The following ADGRD1 variants were observed in gnomAD, a reference collection of about 807,000 sequenced individuals.
The protein encoded by ADGRD1 is G-protein coupled receptor 133.
In ADGRD1, 77 loss-of-function variants were observed where a neutral mutation model predicts 113.4. The observed-to-expected ratio is 0.68, with a 90% CI of 0.57 to 0.82. ADGRD1 has a LOEUF of 0.82. ADGRD1 is among the 40% of genes least tolerant of loss of function. ADGRD1 has a pLI of 0.00. For synonymous variants in ADGRD1, 474 were observed against 475.0 expected (o/e 1.00, Z 0.03); for missense variants, 1,036 against 1,139.1 (o/e 0.91, Z 1.30).
At chr12:130,985,469 T>A (rs117418114) in intron 5 of ADGRD1, among the ~76,000 whole-genome samples, 2,086 of 152,294 alleles carry the variant, frequency 0.014, 27 homozygotes, top group Middle Eastern at 0.041. Flanking sequence ...TCCTATATTA[T>A]CTTCTAAGGG....
chr12:131,089,822 A>G (rs1340851103), intron 15 of ADGRD1, among the ~76,000 whole-genome samples: 4 of 152,270 alleles, frequency 2.6e-5, no homozygotes, highest in African/African-American at 9.6e-5. Context: ...ATCAGGGGGC[A>G]GAGCCCAGCC....
intron 22 of ADGRD1, 48 bp downstream of exon 22, chr12:131,136,211 G>C: frequency 6.2e-7 from 1 of 1,605,656 alleles, no homozygotes; most frequent in Non-Finnish European, 8.5e-7. Flanking sequence ...CAGCCATCAG[G>C]AGCAGGCTTG....
rs754315770 is a variant in ADGRD1, at chr12:130,965,485, C to T, written c.104-978C>T. Among the ~76,000 whole-genome samples the T allele has an allele frequency of 3.3e-5, 5 of 152,082 alleles. No individual in the cohort carries two copies. Among genetic ancestry groups the T allele is most frequent in the Non-Finnish European group, 7.4e-5 (5 of 68,014 alleles). On this transcript the variant is annotated intron_variant, in intron 2 of 24. Coordinates refer to ENST00000261654, the MANE Select transcript of ADGRD1 (RefSeq NM_198827.5). This position sits in a 1 kb window ranked among gnomAD's most constrained non-coding sequence, Gnocchi z 4.8. ...GTTGATTATTGTTTAGTCATCTGAA[C>T]CATTATTTCCACTTCTGTGAATGAA...
At chr12:130,983,071 C>T (rs2136604191) in intron 5 of ADGRD1, among the ~76,000 whole-genome samples, 1 of 152,312 alleles carries the variant, frequency 6.6e-6, no homozygotes, top group South Asian at 2.1e-4. Flanking sequence ...CAGGCTGGAT[C>T]AAATCCCGCC....
chr12:131,062,212 C>T (rs183481862), intron 13 of ADGRD1, among the ~76,000 whole-genome samples: 44 of 152,256 alleles, frequency 2.9e-4, no homozygotes, highest in Admixed American at 1.1e-3. Context: ...CCAGGCTGGT[C>T]TTGAACTCCT....
Position 131,135,965 on chromosome 12 carries a change from T to G in ADGRD1, c.2268-72T>G. Reference sequence around the variant, plus strand: ...CCTGCACCCATCTGGAAGCCTGGCGTCTCGAGGGCAGTCCTCACAGCCTGC... The same window carrying G: ...CCTGCACCCATCTGGAAGCCTGGCGGCTCGAGGGCAGTCCTCACAGCCTGC... On this transcript the variant is annotated intron_variant, in intron 21 of 24. Transcript: ENST00000261654. The G allele has an allele frequency of 3.2e-6, 5 of 1,553,538 alleles. No homozygotes were observed. The South Asian group carries it at 4.6e-5, about 14-fold the overall frequency.
In ADGRD1 at chr12:131,003,362, C is replaced by T; in HGVS notation, c.1144+60C>T. On this transcript the variant is annotated intron_variant, in intron 10 of 24. Coordinates refer to ENST00000261654, the MANE Select transcript of ADGRD1 (RefSeq NM_198827.5). The surrounding 1 kb of genome is among the most constrained non-coding windows in gnomAD (Gnocchi z 4.8). ...GGGGCGGGGGCTGGAGGCTGCGTTT[C>T]ACTGCCTGTCTTTTTACACCCTTAG... 1 of 1,136,488 alleles carries T rather than the reference C, an allele frequency of 8.8e-7. No homozygotes were observed. The highest frequency in any genetic ancestry group is 1.2e-5 in the South Asian group (1 of 81,330). 70.4% of individuals were successfully genotyped at this position (1,136,488 alleles called of 1,614,324 possible).
In ADGRD1 at chr12:130,971,691, G is replaced by A. The variant is rs755140727; in HGVS notation, c.310+111G>A. 1.6e-6 allele frequency: 2 copies of A among 1,215,202 alleles called. No individual in the cohort carries two copies. The highest frequency in any genetic ancestry group is 2.3e-6 in the Non-Finnish European group (2 of 875,130). 75.3% of individuals were successfully genotyped at this position (1,215,202 alleles called of 1,614,324 possible). A position where few individuals can be genotyped will look rare whatever the true frequency, so the allele number is the denominator to read the frequency against. ...CTGAGGTTCTCATCAATTGCAGAAT[G>A]CGTGAGAATGTCAACGATGGATCGG... On this transcript the variant is annotated intron_variant, in intron 4 of 24. Coordinates refer to ENST00000261654, the MANE Select transcript of ADGRD1 (RefSeq NM_198827.5). The surrounding 1 kb of genome is among the most constrained non-coding windows in gnomAD (Gnocchi z 4.2).
chr12:131,083,914 T>A (rs1886257222), intron 14 of ADGRD1, among the ~76,000 whole-genome samples: 1 of 152,248 alleles, frequency 6.6e-6, no homozygotes, highest in Non-Finnish European at 1.5e-5. Flanking sequence ...CTGTAGTCTC[T>A]GTGCCGGTCA....
At chr12:131,135,057 C>T (rs998842367) in intron 21 of ADGRD1, among the ~76,000 whole-genome samples, 7 of 152,202 alleles carry the variant, frequency 4.6e-5, no homozygotes, top group Admixed American at 2.0e-4. Flanking sequence ...AAGGTCCCTG[C>T]TGTGGAAAGC....
chr12:131,075,742 CG>C lies in ADGRD1; in HGVS notation c.1474-1058del, dbSNP rs113263761. The stretch of plus-strand genomic sequence containing the variant: ...GGGCTTTTGGTCGAGGCCAGGATGG[CG>C]CTCATGAGGGGGGCTGCCCTCGTGG... On this transcript the variant is annotated intron_variant, in intron 13 of 24. Transcript: ENST00000261654. This position sits in a 1 kb window ranked among gnomAD's most constrained non-coding sequence, Gnocchi z 5.3. Among the ~76,000 whole-genome samples the C allele has an allele frequency of 9.7e-4, 148 of 152,264 alleles. No homozygotes were observed. Among genetic ancestry groups the C allele is most frequent in the African/African-American group, 3.4e-3 (140 of 41,536 alleles).
At chr12:131,020,227 CCCGA>C in intron 13 of ADGRD1, among the ~76,000 whole-genome samples, 1 of 145,944 alleles carries the variant, frequency 6.9e-6, no homozygotes, top group Admixed American at 6.7e-5. Flanking sequence ...GGGGCAGGAC[CCCGA>C]GCTCCATCCA....
At chr12:130,990,836 C>T (rs754409607) in intron 6 of ADGRD1, 178 bp from the exon 7 acceptor site, 28 of 539,630 alleles carry the variant, frequency 5.2e-5, no homozygotes, top group South Asian at 1.3e-4. Flanking sequence ...TCTATACGGT[C>T]GACTCAGTCA....
chr12:131,074,523 G>T (rs559713098), intron 13 of ADGRD1, among the ~76,000 whole-genome samples: 1 of 152,276 alleles, frequency 6.6e-6, no homozygotes, highest in South Asian at 2.1e-4. Context: ...CCTCAGGGAG[G>T]CTCGTGGGCT....
chr12:131,139,012 C>T (rs1436876847), intron 24 of ADGRD1, among the ~76,000 whole-genome samples, 156 bp from the exon 25 acceptor site: 1 of 152,328 alleles, frequency 6.6e-6, no homozygotes, highest in African/African-American at 2.4e-5. Context: ...ATCCTCATCT[C>T]CCCCAGGAGC....
At chr12:131,069,511 G>C (rs1884987574) in intron 13 of ADGRD1, 1 of 152,408 alleles carries the variant, frequency 6.6e-6, no homozygotes, top group Non-Finnish European at 1.5e-5. Flanking sequence ...AGCAGGACCA[G>C]GCGCAGGGCA....
chr12:131,012,140 C>A (rs1051988115), intron 12 of ADGRD1, among the ~76,000 whole-genome samples: 1 of 152,024 alleles, frequency 6.6e-6, no homozygotes, highest in East Asian at 1.9e-4. Flanking sequence ...ACGTTCTGTA[C>A]GTACAGCTTG....
At chr12:130,991,877 T>G (rs1874432902) in intron 7 of ADGRD1, among the ~76,000 whole-genome samples, 2 of 151,862 alleles carry the variant, frequency 1.3e-5, no homozygotes, top group African/African-American at 4.8e-5. Flanking sequence ...TCCCAGCAAT[T>G]TGGGAGGTCG....
intron 20 of ADGRD1, among the ~76,000 whole-genome samples, 160 bp downstream of exon 20, chr12:131,121,073 T>C (rs528290249): frequency 7.2e-5 from 11 of 152,340 alleles, no homozygotes; most frequent in Admixed American, 2.0e-4. Context: ...GGCCAGTGAC[T>C]GAGGGTCTTA....
Sources: allele counts gnomAD v4.1 joint callset (sites outside exome capture counted in the v4.1 genomes callset), GRCh38; gene constraint gnomAD v4.1.1; non-coding constraint Gnocchi (gnomAD v3.1); transcripts MANE v1.5; gene names NCBI Gene and HGNC (gene_info 2026-07-23, HGNC 2026-07-21).